Variants in SCHIP1 observed in about 807,000 individuals in gnomAD.
The protein encoded by SCHIP1 is schwannomin interacting protein 1, also known as schwannomin-interacting protein 1.
In SCHIP1, 8 loss-of-function variants were observed where a neutral mutation model predicts 29.7. The ratio of observed to expected loss-of-function variants is 0.27; its 90% CI spans 0.16 to 0.49. The LOEUF (loss-of-function observed/expected upper bound fraction) is 0.49, where lower values mean the gene tolerates loss of function less well. Among genes scored for constraint, SCHIP1 ranks in the 20% least tolerant of loss-of-function variants. SCHIP1 has a pLI of 0.99. For synonymous variants in SCHIP1, 76 were observed against 94.9 expected (o/e 0.80, Z 1.16); for missense variants, 193 against 294.6 (o/e 0.66, Z 2.52).
At chr3:159,824,369 GAAATAA>G in the SCHIP1 span, among the ~76,000 whole-genome samples, 1 of 152,186 alleles carries the variant, frequency 6.6e-6, no homozygotes, top group African/African-American at 2.4e-5. Flanking sequence ...GATGAGGAAA[GAAATAA>G]CATGGGCAGG....
At chr3:159,886,066 G>T in intron 2 of SCHIP1, 141 bp from the exon 4 acceptor site, 1 of 735,880 alleles carries the variant, frequency 1.4e-6, no homozygotes, top group East Asian at 2.6e-5. Context: ...ATTTATATGT[G>T]GAGAGTAATA....
the SCHIP1 span, chr3:159,764,816 C>T: frequency 6.3e-7 from 1 of 1,585,006 alleles, no homozygotes; most frequent in Non-Finnish European, 8.6e-7. This position sits in a 1 kb window ranked among gnomAD's most constrained non-coding sequence, Gnocchi z 6.1. Context: ...ATGCCGCCCC[C>T]GGTGCCCAAC....
chr3:159,781,442 C>T, the SCHIP1 span, among the ~76,000 whole-genome samples: 1 of 152,132 alleles, frequency 6.6e-6, no homozygotes, highest in Non-Finnish European at 1.5e-5. Context: ...TCCTAAAGTG[C>T]TGGGATTATA....
chr3:159,476,671 G>A, the SCHIP1 span, among the ~76,000 whole-genome samples: 13 of 152,144 alleles, frequency 8.5e-5, no homozygotes, highest in Middle Eastern at 3.4e-3. Context: ...ATTTCTAAAT[G>A]TTATTTTATT....
At chr3:159,849,500 A>ACC (rs1238093792) in intron 1 of SCHIP1, among the ~76,000 whole-genome samples, 1 of 152,182 alleles carries the variant, frequency 6.6e-6, no homozygotes, top group African/African-American at 2.4e-5. Flanking sequence ...TTGTAGCTGA[A>ACC]CCCCAAGTGC....
chr3:159,450,944 G>C, the SCHIP1 span, among the ~76,000 whole-genome samples: 1 of 151,680 alleles, frequency 6.6e-6, no homozygotes, highest in African/African-American at 2.4e-5. Flanking sequence ...GAGTAGCTGG[G>C]ACTACAGGCA....
the SCHIP1 span, among the ~76,000 whole-genome samples, chr3:159,398,145 G>A: frequency 6.6e-6 from 1 of 152,156 alleles, no homozygotes; most frequent in South Asian, 2.1e-4. Flanking sequence ...CTGACCCTTT[G>A]CGCTTCCCGA....
the SCHIP1 span, among the ~76,000 whole-genome samples, chr3:159,789,236 C>T: frequency 6.6e-6 from 1 of 152,160 alleles, no homozygotes; most frequent in African/African-American, 2.4e-5. Context: ...GTTAATGTTG[C>T]AATCTTGAGT....
the SCHIP1 span, among the ~76,000 whole-genome samples, chr3:159,427,506 T>A: frequency 6.6e-6 from 1 of 152,236 alleles, no homozygotes; most frequent in Non-Finnish European, 1.5e-5. Context: ...GAAGGACCTC[T>A]TCAAGGAGAA....
chr3:159,626,252 A>G, the SCHIP1 span, among the ~76,000 whole-genome samples: 2 of 39,174 alleles, frequency 5.1e-5, no homozygotes, highest in Non-Finnish European at 1.2e-4. Context: ...ATCTATCTAT[A>G]TAGATAGATA....
At chr3:159,778,140 C>T in the SCHIP1 span, among the ~76,000 whole-genome samples, 1 of 152,074 alleles carries the variant, frequency 6.6e-6, no homozygotes, top group Non-Finnish European at 1.5e-5. Context: ...CGCCAGCGCG[C>T]CTGCCAGCAC....
At chr3:159,577,420 G>A in the SCHIP1 span, among the ~76,000 whole-genome samples, 9 of 152,324 alleles carry the variant, frequency 5.9e-5, no homozygotes, top group Middle Eastern at 3.4e-3. Context: ...CTTTGCTGAT[G>A]AGTGATCCAT....
At chr3:159,750,296 TACACACACAC>T in the SCHIP1 span, among the ~76,000 whole-genome samples, 1 of 132,744 alleles carries the variant, frequency 7.5e-6, no homozygotes, top group Non-Finnish European at 1.5e-5. Context: ...TATATATATA[TACACACACAC>T]ACACACACAC....
the SCHIP1 span, among the ~76,000 whole-genome samples, chr3:159,540,431 A>G: frequency 1.3e-5 from 2 of 152,102 alleles, no homozygotes; most frequent in Admixed American, 1.3e-4. Context: ...ATGTGATAAA[A>G]ATATTTTCAA....
chr3:159,464,058 A>C, the SCHIP1 span, among the ~76,000 whole-genome samples: 2 of 152,190 alleles, frequency 1.3e-5, no homozygotes, highest in African/African-American at 4.8e-5. Flanking sequence ...TTCACATGTG[A>C]GACTGTCTTT....
the SCHIP1 span, among the ~76,000 whole-genome samples, chr3:159,443,838 CT>C: frequency 5.3e-5 from 8 of 152,176 alleles, no homozygotes; most frequent in East Asian, 1.4e-3. Flanking sequence ...ACACTGATGC[CT>C]TTTTTTGGAT....
the SCHIP1 span, among the ~76,000 whole-genome samples, chr3:159,465,951 G>A: frequency 1.3e-5 from 2 of 152,188 alleles, no homozygotes; most frequent in East Asian, 3.9e-4. Flanking sequence ...CGATCCTACT[G>A]AGTGAATGAG....
the SCHIP1 span, among the ~76,000 whole-genome samples, chr3:159,512,349 T>C: frequency 2.6e-5 from 4 of 152,158 alleles, no homozygotes; most frequent in Non-Finnish European, 5.9e-5. Flanking sequence ...ATAGGTAATA[T>C]AAAGTCTTAC....
chr3:159,551,373 C>G, the SCHIP1 span, among the ~76,000 whole-genome samples: 1 of 152,290 alleles, frequency 6.6e-6, no homozygotes, highest in Non-Finnish European at 1.5e-5. Context: ...TTATCTCAAA[C>G]AAACTGCCTA....
Sources: allele counts gnomAD v4.1 joint callset (sites outside exome capture counted in the v4.1 genomes callset), GRCh38; gene constraint gnomAD v4.1.1; non-coding constraint Gnocchi (gnomAD v3.1); transcripts MANE v1.5; gene names NCBI Gene and HGNC (gene_info 2026-07-23, HGNC 2026-07-21).